The following RBFOX3 variants were observed in gnomAD, a reference collection of about 807,000 sequenced individuals.
RBFOX3 encodes the protein RNA binding fox-1 homolog 3, also known as RNA binding protein fox-1 homolog 3.
Under a neutral mutation model 48.7 loss-of-function variants are expected in RBFOX3, and 17 were observed. The ratio of observed to expected loss-of-function variants is 0.35; its 90% CI spans 0.24 to 0.52. The LOEUF (loss-of-function observed/expected upper bound fraction) is 0.52, where lower values mean the gene tolerates loss of function less well. RBFOX3 is among the 20% of genes least tolerant of loss of function. The pLI, the probability that RBFOX3 is intolerant of heterozygous loss-of-function variation, is 0.94. For synonymous variants in RBFOX3, 212 were observed against 209.5 expected (o/e 1.01, Z -0.10); for missense variants, 382 against 497.5 (o/e 0.77, Z 2.21).
intron 2 of RBFOX3, among the ~76,000 whole-genome samples, chr17:79,327,603 C>CT (rs1333159336): frequency 6.6e-6 from 1 of 152,262 alleles, no homozygotes; most frequent in Non-Finnish European, 1.5e-5. Context: ...TAAAAAACTA[C>CT]AGTCCTACCT....
At chr17:79,605,284 C>T (rs1477357751) in intron 1 of RBFOX3, among the ~76,000 whole-genome samples, 1 of 152,182 alleles carries the variant, frequency 6.6e-6, no homozygotes, top group Non-Finnish European at 1.5e-5. Context: ...ATGTTATGAT[C>T]TCAACTGGGC....
intron 2 of RBFOX3, among the ~76,000 whole-genome samples, chr17:79,416,881 C>A (rs782637422): frequency 6.6e-6 from 1 of 152,238 alleles, no homozygotes; most frequent in African/African-American, 2.4e-5. Context: ...TTTGGGGATG[C>A]GGCTCTCCCT....
Position 79,094,478 on chromosome 17 carries a change from G to T in RBFOX3, c.1050C>A (p.Pro350=), listed in dbSNP as rs779628911. 2.7e-6 allele frequency: 4 copies of T among 1,476,966 alleles called. No individual in the cohort carries two copies. The highest frequency in any genetic ancestry group is 5.2e-5 in the Admixed American group (2 of 38,358). 91.5% of individuals were successfully genotyped at this position (1,476,966 alleles called of 1,614,324 possible). A position where few individuals can be genotyped will look rare whatever the true frequency, so the allele number is the denominator to read the frequency against. ...TGGTTCCAATGCTGTAGGTCGCCGC[G>T]GGCCCGATGGTGTGATGGTACGGGT... is the stretch of plus-strand genomic sequence containing the variant. ...AADPYHHTIG[P]AATYSIGTM is the part of the protein sequence containing the mutation. Residue 350 remains proline, a synonymous_variant, in exon 14 of 15, where the codon CCC becomes CCA. Coordinates refer to ENST00000693108, the MANE Select transcript of RBFOX3 (RefSeq NM_001350451.2).
intron 2 of RBFOX3, among the ~76,000 whole-genome samples, chr17:79,435,317 A>C (rs1476240914): frequency 6.6e-6 from 1 of 152,124 alleles, no homozygotes; most frequent in Non-Finnish European, 1.5e-5. Flanking sequence ...CCATGGAATA[A>C]AGGTACCTGC....
intron 1 of RBFOX3, among the ~76,000 whole-genome samples, chr17:79,519,452 G>C (rs1413934731): frequency 6.6e-6 from 1 of 152,238 alleles, no homozygotes; most frequent in Non-Finnish European, 1.5e-5. Flanking sequence ...GTGGGTACGG[G>C]GAACAGAGCC....
intron 2 of RBFOX3, among the ~76,000 whole-genome samples, chr17:79,396,889 C>T (rs72852441): frequency 0.065 from 9,901 of 152,290 alleles, 384 homozygotes; most frequent in East Asian, 0.11. Context: ...GTCACGGGTC[C>T]GTGAAGCCGG....
chr17:79,523,768 G>A (rs1264046750), intron 1 of RBFOX3, among the ~76,000 whole-genome samples: 1 of 152,188 alleles, frequency 6.6e-6, no homozygotes, highest in Non-Finnish European at 1.5e-5. Context: ...TAAACACAAG[G>A]TGATAAAACG....
rs527335249 is a variant in RBFOX3, at chr17:79,198,301, C to T, written c.-34+37465G>A. On this transcript the variant is annotated intron_variant, in intron 4 of 14. Transcript: ENST00000693108. This position sits in a 1 kb window ranked among gnomAD's most constrained non-coding sequence, Gnocchi z 8.2. ...CTGCACCTCTCCATCCCACATGAGGCGACCTTGCAGGCACAGGTGCGGACA... is the reference window on the plus strand; with the variant it reads ...CTGCACCTCTCCATCCCACATGAGGTGACCTTGCAGGCACAGGTGCGGACA... Among the ~76,000 whole-genome samples, 19 of 152,342 alleles carry T rather than the reference C, an allele frequency of 1.2e-4. No individual in the cohort carries two copies. The South Asian group carries it at 1.7e-3, about 13-fold the overall frequency.
chr17:79,640,100 T>TA, the RBFOX3 span, among the ~76,000 whole-genome samples: 3 of 152,252 alleles, frequency 2.0e-5, no homozygotes, highest in South Asian at 6.2e-4. Context: ...AAAACTGCTT[T>TA]AAAAAATTCT....
At chr17:79,616,582 A>AACACACACACACACACACACACAC in the RBFOX3 span, among the ~76,000 whole-genome samples, 9 of 145,740 alleles carry the variant, frequency 6.2e-5, no homozygotes, top group East Asian at 6.1e-4. Context: ...TCTCTATACA[A>AACACACACACACACACACACACAC]ACACACACAC....
intron 2 of RBFOX3, among the ~76,000 whole-genome samples, chr17:79,384,222 G>T (rs1389102147): frequency 1.3e-5 from 2 of 152,154 alleles, no homozygotes; most frequent in African/African-American, 2.4e-5. Context: ...CTCACTCTGG[G>T]GACCCCGGTA....
intron 1 of RBFOX3, among the ~76,000 whole-genome samples, chr17:79,557,300 T>C (rs1310730311): frequency 1.3e-5 from 2 of 150,216 alleles, no homozygotes; most frequent in Non-Finnish European, 3.0e-5. Context: ...AGCCTGGAAT[T>C]CCAATCCAGG....
At chr17:79,090,974 C>A in intron 14 of RBFOX3, 89 bp from the exon 15 acceptor site, 2 of 1,389,996 alleles carry the variant, frequency 1.4e-6, no homozygotes, top group South Asian at 2.7e-5. Context: ...GCACGGGGCC[C>A]CTGGCCTAAA....
chr17:79,270,548 G>A (rs1450775918), intron 3 of RBFOX3, among the ~76,000 whole-genome samples: 2 of 152,058 alleles, frequency 1.3e-5, no homozygotes, highest in African/African-American at 4.8e-5. Flanking sequence ...CTTTCCCTTT[G>A]CCACTGGGCA....
At chr17:79,241,068 T>C (rs2062295467) in intron 3 of RBFOX3, among the ~76,000 whole-genome samples, 1 of 152,184 alleles carries the variant, frequency 6.6e-6, no homozygotes, top group South Asian at 2.1e-4. Context: ...CTCCATCTCC[T>C]GAGTTTAAGT....
chr17:79,287,167 G>A (rs546325321), intron 3 of RBFOX3, among the ~76,000 whole-genome samples: 39 of 152,290 alleles, frequency 2.6e-4, no homozygotes, highest in Admixed American at 2.2e-3. Flanking sequence ...GGGGACAATC[G>A]CTTCTTCACC....
chr17:79,352,339 T>C (rs1247064617), intron 2 of RBFOX3, among the ~76,000 whole-genome samples: 1 of 152,196 alleles, frequency 6.6e-6, no homozygotes, highest in Non-Finnish European at 1.5e-5. Context: ...CCTGCCACCA[T>C]GTGAAGATGT....
At chr17:79,216,045 C>T (rs1260677442) in intron 4 of RBFOX3, among the ~76,000 whole-genome samples, 2 of 152,248 alleles carry the variant, frequency 1.3e-5, no homozygotes, top group Admixed American at 6.5e-5. Flanking sequence ...CACTTGTCCC[C>T]TGCCCCCAAG....
intron 2 of RBFOX3, among the ~76,000 whole-genome samples, chr17:79,313,085 C>T (rs1053635033): frequency 6.6e-5 from 10 of 152,340 alleles, no homozygotes; most frequent in South Asian, 2.1e-4. Context: ...GAGCTCAGCG[C>T]GGCACCTCTA....
Sources: gnomAD v4.1 joint callset for allele counts (sites outside exome capture counted in the v4.1 genomes callset) on GRCh38, gnomAD v4.1.1 for gene constraint, Gnocchi (gnomAD v3.1) non-coding constraint, MANE v1.5 for transcripts, NCBI Gene and HGNC (gene_info 2026-07-23, HGNC 2026-07-21) for gene names.